Variants in KCNIP4 observed in about 807,000 individuals in gnomAD.
KCNIP4 encodes the protein Kv channel-interacting protein 4.
In KCNIP4, 12 loss-of-function variants were observed where a neutral mutation model predicts 34.0. The ratio of observed to expected loss-of-function variants is 0.35; its 90% CI spans 0.23 to 0.57. KCNIP4 has a LOEUF of 0.57. KCNIP4 is among the 20% of genes least tolerant of loss of function. KCNIP4 has a pLI of 0.83. For missense variants in KCNIP4, 238 were observed against 311.7 expected, an observed-to-expected ratio of 0.76 and a Z score of 1.78; for synonymous variants, 124 against 102.2, an observed-to-expected ratio of 1.21 and a Z score of -1.29.
At chr4:20,803,074 CAAAAAA>C (rs4054902) in intron 3 of KCNIP4, among the ~76,000 whole-genome samples, 15 of 78,328 alleles carry the variant, frequency 1.9e-4, no homozygotes, top group African/African-American at 4.7e-4. Flanking sequence ...GACTCTGCCT[CAAAAAA>C]AAAAAAAAAA....
At chr4:21,104,746 T>G (rs1028891279) in intron 1 of KCNIP4, among the ~76,000 whole-genome samples, 15 of 151,754 alleles carry the variant, frequency 9.9e-5, no homozygotes, top group Non-Finnish European at 2.1e-4. Context: ...TATAAGTCTT[T>G]AATCCACCTT....
At chr4:21,947,519 T>C (rs1457428765) in intron 1 of KCNIP4, among the ~76,000 whole-genome samples, 1 of 152,142 alleles carries the variant, frequency 6.6e-6, no homozygotes, top group East Asian at 1.9e-4. Context: ...AGGGAGGGTG[T>C]CCATTTCCAT....
chr4:21,228,251 T>C (rs1758545589), intron 1 of KCNIP4, among the ~76,000 whole-genome samples: 1 of 152,038 alleles, frequency 6.6e-6, no homozygotes, highest in Non-Finnish European at 1.5e-5. Context: ...AGTGAGTGAG[T>C]TCTTACAAGA....
At chr4:21,510,917 G>T (rs536709052) in intron 1 of KCNIP4, among the ~76,000 whole-genome samples, 1 of 152,008 alleles carries the variant, frequency 6.6e-6, no homozygotes, top group East Asian at 1.9e-4. Context: ...GGTGGTGGGC[G>T]CATGTAGTCC....
At position 21,459,398 on chromosome 4, in the gene KCNIP4, C is replaced by T. The variant is rs923500507; in HGVS notation, c.61+489173G>A. Among the ~76,000 whole-genome samples, 15 of 152,118 alleles carry T rather than the reference C, an allele frequency of 9.9e-5. 1 individual carries two copies. The highest frequency in any genetic ancestry group is 7.9e-4 in the Admixed American group (12 of 15,240). ...CTTGTTTTTCTTCCTGTCTCCCTTG[C>T]TCTTCCTCCTCAACCCTATAAGCTC... On this transcript the variant is annotated intron_variant, in intron 1 of 8. Coordinates refer to ENST00000382152, the MANE Select transcript of KCNIP4 (RefSeq NM_025221.6).
At chr4:21,286,196 CAA>C (rs1763110841) in intron 1 of KCNIP4, among the ~76,000 whole-genome samples, 1 of 152,108 alleles carries the variant, frequency 6.6e-6, no homozygotes, top group Non-Finnish European at 1.5e-5. Context: ...AATAAGTAGC[CAA>C]GAGGTCTGAA....
intron 1 of KCNIP4, among the ~76,000 whole-genome samples, chr4:21,072,149 T>C (rs959035352): frequency 4.6e-5 from 7 of 152,238 alleles, no homozygotes; most frequent in African/African-American, 1.7e-4. Flanking sequence ...ATCCTTTGGG[T>C]ATATACCCAG....
intron 4 of KCNIP4, among the ~76,000 whole-genome samples, chr4:20,750,764 C>G (rs914113648): frequency 6.6e-6 from 1 of 152,082 alleles, no homozygotes; most frequent in Non-Finnish European, 1.5e-5. Flanking sequence ...TGGGCTTTAG[C>G]CTTTTATCTT....
intron 1 of KCNIP4, among the ~76,000 whole-genome samples, chr4:21,269,293 T>C (rs1214520562): frequency 6.6e-6 from 1 of 152,212 alleles, no homozygotes; most frequent in African/African-American, 2.4e-5. Flanking sequence ...GTTTGCCTAT[T>C]GACTAGACAT....
At chr4:21,036,779 T>A (rs1209359820) in intron 1 of KCNIP4, among the ~76,000 whole-genome samples, 2 of 152,222 alleles carry the variant, frequency 1.3e-5, no homozygotes, top group Non-Finnish European at 2.9e-5. Context: ...GACGGCTTTT[T>A]AAAATAAAGA....
rs373158510 is a variant in KCNIP4, at chr4:20,963,061, T to G, written c.62-80352A>C. On this transcript the variant is annotated intron_variant, in intron 1 of 8. Transcript: ENST00000382152. ...AATAGGCCAGACATGGTGGCTCACATCTGTAATCCCAGCACTTTGGGAGGC... is the reference window on the plus strand; with the variant it reads ...AATAGGCCAGACATGGTGGCTCACAGCTGTAATCCCAGCACTTTGGGAGGC... Among the ~76,000 whole-genome samples the G allele has an allele frequency of 4.1e-3, 631 of 152,124 alleles. 4 individuals are homozygous for G. The highest frequency in any genetic ancestry group is 0.014 in the African/African-American group (591 of 41,516).
At chr4:21,270,124 G>A (rs1365301808) in intron 1 of KCNIP4, among the ~76,000 whole-genome samples, 1 of 152,152 alleles carries the variant, frequency 6.6e-6, no homozygotes, top group African/African-American at 2.4e-5. Flanking sequence ...GAGTATCATA[G>A]GCTCAAAGAC....
chr4:20,902,596 T>G (rs1363892460), intron 1 of KCNIP4, among the ~76,000 whole-genome samples: 1 of 152,186 alleles, frequency 6.6e-6, no homozygotes, highest in Admixed American at 6.5e-5. Context: ...CTTGGCTCAC[T>G]GCAACCACCA....
chr4:20,954,849 G>A (rs781063058), intron 1 of KCNIP4, among the ~76,000 whole-genome samples: 4 of 152,174 alleles, frequency 2.6e-5, no homozygotes, highest in Admixed American at 6.5e-5. Context: ...GGTTTGGGTC[G>A]TGTAATCCTA....
intron 1 of KCNIP4, among the ~76,000 whole-genome samples, chr4:21,292,456 C>T (rs1262683658): frequency 4.6e-5 from 7 of 152,102 alleles, no homozygotes; most frequent in South Asian, 2.1e-4. Context: ...TCTTTGAACA[C>T]GTCTGTAAGA....
intron 1 of KCNIP4, among the ~76,000 whole-genome samples, chr4:21,467,870 G>A (rs1730128545): frequency 6.6e-6 from 1 of 152,148 alleles, no homozygotes. Context: ...TGAGGATGTG[G>A]CCATGTTAAT....
chr4:21,304,367 G>T (rs1397214548), intron 1 of KCNIP4, among the ~76,000 whole-genome samples: 2 of 152,170 alleles, frequency 1.3e-5, no homozygotes, highest in Non-Finnish European at 2.9e-5. Context: ...AACGTCCCGA[G>T]GAAACATGAG....
chr4:21,416,999 A>G (rs10010250), intron 1 of KCNIP4, among the ~76,000 whole-genome samples: 43,659 of 152,054 alleles, frequency 0.29, 7,193 homozygotes, highest in Non-Finnish European at 0.38. Context: ...AATAAATGAA[A>G]TCATATTTGC....
At chr4:21,906,873 C>T (rs1480543774) in intron 1 of KCNIP4, among the ~76,000 whole-genome samples, 2 of 152,114 alleles carry the variant, frequency 1.3e-5, no homozygotes, top group Non-Finnish European at 2.9e-5. Context: ...GAATATGTTA[C>T]ATTTTACATA....
Sources: allele counts gnomAD v4.1 joint callset (sites outside exome capture counted in the v4.1 genomes callset), GRCh38; gene constraint gnomAD v4.1.1; transcripts MANE v1.5; gene names NCBI Gene and HGNC (gene_info 2026-07-23, HGNC 2026-07-21).